The following RBSN variants were observed in gnomAD, a reference collection of about 807,000 sequenced individuals.
RBSN encodes the protein rabenosyn-5.
In RBSN, 34 loss-of-function variants were observed where a neutral mutation model predicts 60.5. The observed-to-expected ratio is 0.56, with a 90% CI of 0.43 to 0.75. The LOEUF (loss-of-function observed/expected upper bound fraction) is 0.75, where lower values mean the gene tolerates loss of function less well. RBSN is among the 30% of genes least tolerant of loss of function. The pLI, the probability that RBSN is intolerant of heterozygous loss-of-function variation, is 0.00. For synonymous variants in RBSN, 322 were observed against 366.9 expected, an observed-to-expected ratio of 0.88 and a Z score of 1.40; for missense variants, 845 against 986.8, an observed-to-expected ratio of 0.86 and a Z score of 1.92.
In RBSN at chr3:15,084,277, C is replaced by T. The variant is rs2125168796; in HGVS notation, c.598+458G>A. Reference sequence around the variant, plus strand: ...AGGACTACAGGCACATGCCACCACGCCAGGCTAATTTTTGTATTTTTATAG... The same window carrying T: ...AGGACTACAGGCACATGCCACCACGTCAGGCTAATTTTTGTATTTTTATAG... On this transcript the variant is annotated intron_variant, in intron 8 of 13. Transcript: ENST00000253699. The surrounding 1 kb of genome is among the most constrained non-coding windows in gnomAD (Gnocchi z 4.2). 6.6e-6 allele frequency among the ~76,000 whole-genome samples: 1 copy of T among 152,224 alleles called. No homozygotes were observed.
Position 15,074,714 on chromosome 3 carries a change from C to A in RBSN, c.1423G>T (p.Ala475Ser). The A allele has an allele frequency of 1.2e-6, 2 of 1,614,256 alleles. No individual in the cohort carries two copies. Among genetic ancestry groups the A allele is most frequent in the Non-Finnish European group, 1.7e-6 (2 of 1,180,052 alleles). The change falls in exon 14 of 14, where the codon GCC becomes TCC. Residue 475 changes from alanine to serine, a missense_variant. Physicochemically the swap from Ala to Ser is moderately conservative, Grantham distance 99. Coordinates refer to ENST00000253699, the MANE Select transcript of RBSN (RefSeq NM_022340.4). The surrounding 1 kb of genome is among the most constrained non-coding windows in gnomAD (Gnocchi z 6.4). ...CGCACTTCATCCATGCGGCCCGCGG[C>A]CTTGGCCTGCCTGATGAATGATGTG... ...NITSFIRQAK[A>S]AGRMDEVRTL...
chr3:15,088,012 A>G (rs182302976), intron 5 of RBSN, among the ~76,000 whole-genome samples: 107 of 152,316 alleles, frequency 7.0e-4, no homozygotes, highest in African/African-American at 2.2e-3. Context: ...CTTAGGGGTG[A>G]CCATAAATAT....
intron 2 of RBSN, among the ~76,000 whole-genome samples, chr3:15,097,636 C>A (rs190235296): frequency 1.3e-5 from 2 of 152,116 alleles, no homozygotes; most frequent in Admixed American, 1.3e-4. Context: ...CCAATGTCAC[C>A]TCATCAAGAC....
Position 15,082,583 on chromosome 3 carries a change from C to A in RBSN, c.624G>T (p.Glu208Asp), listed in dbSNP as rs1435072399. 3 of 1,614,014 alleles carry A rather than the reference C, an allele frequency of 1.9e-6. No homozygotes were observed. In the Admixed American group the frequency reaches 5.0e-5, roughly 27 times the overall value. ...LANKLTSASK[E>D]SLSTHTSPSQ... The stretch of plus-strand genomic sequence containing the variant: ...TGGGGCTGGTGTGGGTGCTCAGGGA[C>A]TCCTTGCTGGCACTGGTGAGCTTGT... The change falls in exon 9 of 14, where the codon GAG becomes GAT. Residue 208 changes from glutamate to aspartate, a missense_variant. By Grantham distance (45) the Glu-to-Asp change is conservative (BLOSUM62 2). Coordinates refer to ENST00000253699, the MANE Select transcript of RBSN (RefSeq NM_022340.4). The surrounding 1 kb of genome is among the most constrained non-coding windows in gnomAD (Gnocchi z 4.2).
chr3:15,095,867 A>T, intron 4 of RBSN, 106 bp downstream of exon 4: 1 of 1,451,290 alleles, frequency 6.9e-7, no homozygotes, highest in Non-Finnish European at 9.6e-7. Flanking sequence ...TCTGTTTGCT[A>T]CTACTATTAT....
intron 5 of RBSN, among the ~76,000 whole-genome samples, chr3:15,089,097 T>C (rs556407469): frequency 2.0e-5 from 3 of 152,160 alleles, no homozygotes; most frequent in Non-Finnish European, 4.4e-5. Context: ...GAATGATAAA[T>C]AAATAAAGGA....
At chr3:15,080,546 C>T (rs1376773436) in intron 10 of RBSN, among the ~76,000 whole-genome samples, 186 bp downstream of exon 10, 3 of 152,078 alleles carry the variant, frequency 2.0e-5, no homozygotes, top group Admixed American at 2.0e-4. Flanking sequence ...CTGTACCCCA[C>T]TAAAAGACAG....
At chr3:15,091,285 T>C in intron 4 of RBSN, 7 of 936,382 alleles carry the variant, frequency 7.5e-6, no homozygotes, top group Non-Finnish European at 8.9e-6. Flanking sequence ...AAACAAGTTC[T>C]ATAGTACTAA....
intron 5 of RBSN, among the ~76,000 whole-genome samples, chr3:15,089,625 TC>T (rs1034086176): frequency 3.3e-5 from 5 of 151,358 alleles, no homozygotes; most frequent in Non-Finnish European, 7.4e-5. Flanking sequence ...TTTTTTTTTT[TC>T]TTGAGACAGA....
intron 8 of RBSN, among the ~76,000 whole-genome samples, chr3:15,083,958 T>C (rs1363935616): frequency 6.6e-6 from 1 of 152,208 alleles, no homozygotes; most frequent in Non-Finnish European, 1.5e-5. Flanking sequence ...TGTGAGTTTA[T>C]ATCCCCTGAT....
intron 2 of RBSN, among the ~76,000 whole-genome samples, chr3:15,097,101 C>T (rs1026778581): frequency 3.3e-5 from 5 of 152,176 alleles, no homozygotes; most frequent in African/African-American, 1.2e-4. Flanking sequence ...CTCAGGCAAT[C>T]CTCCTGCCTG....
chr3:15,085,096 T>C, intron 6 of RBSN, 51 bp from the exon 7 acceptor site: 5 of 1,595,806 alleles, frequency 3.1e-6, no homozygotes, highest in Non-Finnish European at 4.3e-6. Context: ...GATGTATACA[T>C]GCTCCACACT....
chr3:15,078,255 G>T, intron 10 of RBSN, 94 bp from the exon 11 acceptor site: 1 of 1,010,748 alleles, frequency 9.9e-7, no homozygotes, highest in Non-Finnish European at 1.6e-6. Context: ...GCCTCACAAA[G>T]GCAGTTAATT....
At chr3:15,090,831 G>A (rs1559351922) in intron 4 of RBSN, among the ~76,000 whole-genome samples, 1 of 152,132 alleles carries the variant, frequency 6.6e-6, no homozygotes, top group African/African-American at 2.4e-5. Context: ...AAATAAAAGT[G>A]CTAAAATCAA....
chr3:15,084,723 C>T lies in RBSN; in HGVS notation c.598+12G>A. 1 of 1,578,252 alleles carries T rather than the reference C, an allele frequency of 6.3e-7. No homozygotes were observed. The highest frequency in any genetic ancestry group is 1.2e-5 in the South Asian group (1 of 85,262). On this transcript the variant is annotated intron_variant, in intron 8 of 13. Coordinates refer to ENST00000253699, the MANE Select transcript of RBSN (RefSeq NM_022340.4). This position sits in a 1 kb window ranked among gnomAD's most constrained non-coding sequence, Gnocchi z 4.2. ...AGATGAGGGTCCAGGGCCCCACCTCCAAGTCACCTACTTGCCAAGGGAAGG... is the reference window on the plus strand; with the variant it reads ...AGATGAGGGTCCAGGGCCCCACCTCTAAGTCACCTACTTGCCAAGGGAAGG...
intron 10 of RBSN, among the ~76,000 whole-genome samples, chr3:15,078,776 ATACATATATATATATATATATATATATAT>A (rs1220691336): frequency 4.4e-4 from 25 of 56,264 alleles, no homozygotes; most frequent in African/African-American, 1.2e-3. Context: ...AAAAAAAAAA[ATACATATATATATATATATATATATATAT>A]ATATATATAT....
At position 15,082,360 on chromosome 3, in the gene RBSN, G is replaced by GA. The variant is rs769921151; in HGVS notation, c.840+6dup. On this transcript the variant is annotated splice_region_variant and intron_variant, in intron 9 of 13. Transcript: ENST00000253699. This position sits in a 1 kb window ranked among gnomAD's most constrained non-coding sequence, Gnocchi z 4.2. Reference sequence around the variant, plus strand: ...AATTAGACCCAAGACCAGACAGCGCGAATCACCTCGTAGAGCTTCACGATG... The same window carrying GA: ...AATTAGACCCAAGACCAGACAGCGCGAAATCACCTCGTAGAGCTTCACGATG... The GA allele has an allele frequency of 1.1e-5, 18 of 1,608,350 alleles. No homozygotes were observed. The South Asian group carries it at 1.8e-4, about 16-fold the overall frequency.
rs528508023 is a variant in RBSN, at chr3:15,084,328, C to T, written c.598+407G>A. Among the ~76,000 whole-genome samples the T allele has an allele frequency of 3.3e-5, 5 of 152,188 alleles. No homozygotes were observed. The highest frequency in any genetic ancestry group is 2.1e-4 in the South Asian group (1 of 4,814). On this transcript the variant is annotated intron_variant, in intron 8 of 13. Coordinates refer to ENST00000253699, the MANE Select transcript of RBSN (RefSeq NM_022340.4). This position sits in a 1 kb window ranked among gnomAD's most constrained non-coding sequence, Gnocchi z 4.2. ...AGACAGGGTTTCAACATGTTGGCCA[C>T]GCTGGTCTCAAACTCCTGACCTCAA...
At chr3:15,089,833 C>T (rs1285610778) in intron 5 of RBSN, among the ~76,000 whole-genome samples, 8 of 152,036 alleles carry the variant, frequency 5.3e-5, no homozygotes, top group African/African-American at 1.2e-4. Flanking sequence ...CTCCTGACCT[C>T]GTGATCTGCC....
Sources: allele counts gnomAD v4.1 joint callset (sites outside exome capture counted in the v4.1 genomes callset), GRCh38; gene constraint gnomAD v4.1.1; non-coding constraint Gnocchi (gnomAD v3.1); transcripts MANE v1.5; gene names NCBI Gene and HGNC (gene_info 2026-07-23, HGNC 2026-07-21).